Variants in SYT9 observed in about 807,000 individuals in gnomAD.
SYT9 encodes synaptotagmin 9, also known as synaptotagmin-9.
Under a neutral mutation model 48.4 loss-of-function variants are expected in SYT9, and 22 were observed. The observed-to-expected ratio is 0.45, with a 90% CI of 0.32 to 0.65. The LOEUF is 0.65. Among genes scored for constraint, SYT9 ranks in the 30% least tolerant of loss-of-function variants. The pLI, the probability that SYT9 is intolerant of heterozygous loss-of-function variation, is 0.03. For synonymous variants in SYT9, 265 were observed against 245.0 expected (o/e 1.08, Z -0.76); for missense variants, 577 against 622.0 (o/e 0.93, Z 0.77).
chr11:7,240,006 C>T (rs971884929), intron 1 of SYT9, among the ~76,000 whole-genome samples: 1 of 152,048 alleles, frequency 6.6e-6, no homozygotes, highest in African/African-American at 2.4e-5. Flanking sequence ...TTTAAAACCA[C>T]GGAACTGAGT....
At chr11:7,347,513 A>G (rs542846701) in intron 3 of SYT9, among the ~76,000 whole-genome samples, 1 of 152,124 alleles carries the variant, frequency 6.6e-6, no homozygotes, top group East Asian at 1.9e-4. Flanking sequence ...GGGATTAGAG[A>G]TGTGAGCCAC....
chr11:7,282,338 T>C (rs535618869), intron 1 of SYT9, among the ~76,000 whole-genome samples: 3 of 152,344 alleles, frequency 2.0e-5, no homozygotes, highest in Admixed American at 6.5e-5. Flanking sequence ...TATTTTTCCA[T>C]GCTCTCTTCA....
At chr11:7,406,972 C>T (rs1272215929) in intron 3 of SYT9, among the ~76,000 whole-genome samples, 1 of 152,066 alleles carries the variant, frequency 6.6e-6, no homozygotes, top group Non-Finnish European at 1.5e-5. Flanking sequence ...TCATAAACTT[C>T]TTGGCCATTT....
chr11:7,271,184 A>G (rs970814402), intron 1 of SYT9, among the ~76,000 whole-genome samples: 2 of 152,110 alleles, frequency 1.3e-5, no homozygotes, highest in African/African-American at 4.8e-5. Flanking sequence ...AAATAATATA[A>G]TATATATTTT....
chr11:7,468,541 T>G lies in SYT9; in HGVS notation c.*1741T>G, dbSNP rs112015255. 1.0e-4 allele frequency: 40 copies of G among 387,570 alleles called. No individual in the cohort carries two copies. The highest frequency in any genetic ancestry group is 8.1e-4 in the African/African-American group (39 of 48,372). The allele number at this position is 387,570 out of a possible 1,614,324, so 24.0% of individuals were successfully genotyped here. ...AGACATCCTCCACCATACCAGTGTT[T>G]AGAAGCAAAACATGAAGGGCTAGCG... On this transcript the variant is annotated 3_prime_UTR_variant, in exon 7 of 7. Transcript: ENST00000318881.
intron 1 of SYT9, among the ~76,000 whole-genome samples, chr11:7,267,361 A>G (rs1403131850): frequency 6.6e-6 from 1 of 151,928 alleles, no homozygotes; most frequent in Non-Finnish European, 1.5e-5. Context: ...TTTTTTAGAC[A>G]TGACAATAAA....
rs540884037 is a variant in SYT9, at chr11:7,423,749, C to T, written c.1467+3114C>T. Reference sequence around the variant, plus strand: ...AAAGGCCGGGAATCCACCACTCCTGCACCCCAGTGAGCCATCATCTCAGAG... The same window carrying T: ...AAAGGCCGGGAATCCACCACTCCTGTACCCCAGTGAGCCATCATCTCAGAG... On this transcript the variant is annotated intron_variant, in intron 6 of 6. Transcript: ENST00000318881. Among the ~76,000 whole-genome samples, 6 of 151,616 alleles carry T rather than the reference C, an allele frequency of 4.0e-5. No individual in the cohort carries two copies. In the South Asian group the frequency reaches 8.3e-4, roughly 21 times the overall value.
chr11:7,329,388 A>C (rs4758174), intron 3 of SYT9, among the ~76,000 whole-genome samples: 2,406 of 152,330 alleles, frequency 0.016, 33 homozygotes, highest in Non-Finnish European at 0.023. Flanking sequence ...AACTTTGTTC[A>C]TTTGTATAAT....
At chr11:7,384,401 T>A (rs1850619295) in intron 3 of SYT9, among the ~76,000 whole-genome samples, 1 of 152,192 alleles carries the variant, frequency 6.6e-6, no homozygotes, top group Non-Finnish European at 1.5e-5. Flanking sequence ...CCAGTACTTC[T>A]CCCCCTCCAC....
At chr11:7,250,665 A>G (rs907071932), upstream of SYT9, among the ~76,000 whole-genome samples, 3 of 151,970 alleles carry the variant, frequency 2.0e-5, no homozygotes, top group African/African-American at 7.2e-5. Flanking sequence ...TGCTATTCCC[A>G]TGTAAGTTCC....
intron 1 of SYT9, among the ~76,000 whole-genome samples, chr11:7,240,328 C>T (rs1847728061): frequency 6.6e-6 from 1 of 152,070 alleles, no homozygotes; most frequent in Non-Finnish European, 1.5e-5. Flanking sequence ...TTTCATATAG[C>T]AGATTAAGTG....
At chr11:7,360,359 T>G (rs1459287677) in intron 3 of SYT9, among the ~76,000 whole-genome samples, 2 of 152,158 alleles carry the variant, frequency 1.3e-5, no homozygotes, top group Non-Finnish European at 2.9e-5. Context: ...CCATAAGAAC[T>G]TTAAAGTAGT....
chr11:7,408,714 AAG>A (rs1847073592), intron 3 of SYT9, among the ~76,000 whole-genome samples: 1 of 152,218 alleles, frequency 6.6e-6, no homozygotes, highest in Non-Finnish European at 1.5e-5. Context: ...TATCAAATCT[AAG>A]AGTTTTTTGG....
chr11:7,439,309 G>A (rs1440284878), intron 6 of SYT9: 2 of 152,210 alleles, frequency 1.3e-5, no homozygotes, highest in African/African-American at 4.8e-5. Context: ...AAACCTTCTG[G>A]GAAACTTTGC....
intron 3 of SYT9, among the ~76,000 whole-genome samples, chr11:7,330,172 A>G (rs928742811): frequency 7.2e-5 from 11 of 152,232 alleles, no homozygotes; most frequent in Non-Finnish European, 1.3e-4. Flanking sequence ...GTAAAACAAT[A>G]AACTATTACA....
rs1846616902 is a variant in SYT9, at chr11:7,391,750, A to C, written c.1045-24292A>C. On this transcript the variant is annotated intron_variant, in intron 3 of 6. Coordinates refer to ENST00000318881, the MANE Select transcript of SYT9 (RefSeq NM_175733.4). ...ACCCCATCTCTAAAAAAAAAAAAAA[A>C]AAAAAAAAAAAAAAACCTAGCTAGG... is the stretch of plus-strand genomic sequence containing the variant. 2.0e-5 allele frequency among the ~76,000 whole-genome samples: 3 copies of C among 146,430 alleles called. No individual in the cohort carries two copies. The Admixed American group carries it at 2.1e-4, about 10-fold the overall frequency.
chr11:7,305,506 C>T (rs1269234215), intron 2 of SYT9, among the ~76,000 whole-genome samples: 2 of 152,144 alleles, frequency 1.3e-5, no homozygotes, highest in African/African-American at 4.8e-5. Context: ...AAAATGCACA[C>T]ACACATACAC....
chr11:7,466,953 T>C lies in SYT9; in HGVS notation c.*153T>C, dbSNP rs1339805242. 6.1e-6 allele frequency: 6 copies of C among 977,850 alleles called. No homozygotes were observed. Among genetic ancestry groups the C allele is most frequent in the African/African-American group, 5.0e-5 (3 of 60,472 alleles). The allele number at this position is 977,850 out of a possible 1,614,324, so 60.6% of individuals were successfully genotyped here. A position where few individuals can be genotyped will look rare whatever the true frequency, so the allele number is the denominator to read the frequency against. On this transcript the variant is annotated 3_prime_UTR_variant, in exon 7 of 7. Coordinates refer to ENST00000318881, the MANE Select transcript of SYT9 (RefSeq NM_175733.4). ...AGCACTAACTGGCCTTCTTTCCAGA[T>C]TGGGTTTGGTGAACCTGAATGGTCC...
In SYT9 at chr11:7,416,091, C is replaced by T. The variant is rs759505535; in HGVS notation, c.1094C>T (p.Thr365Met). The T allele has an allele frequency of 2.4e-5, 38 of 1,613,992 alleles. No homozygotes were observed. The highest frequency in any genetic ancestry group is 3.3e-4 in the Middle Eastern group (2 of 6,084). The change falls in exon 4 of 7, where the codon ACG becomes ATG. Residue 365 changes from threonine (T) to methionine (M), a missense_variant. Transcript: ENST00000318881. ...ELMFSLCYLP[T>M]AGRLTITIIK... ...ATGTTTTCCCTGTGCTATCTTCCAA[C>T]GGCTGGCAGGCTGACCATTACCATT... is the stretch of plus-strand genomic sequence containing the variant.
Sources: allele counts gnomAD v4.1 joint callset (sites outside exome capture counted in the v4.1 genomes callset), GRCh38; gene constraint gnomAD v4.1.1; transcripts MANE v1.5; gene names NCBI Gene and HGNC (gene_info 2026-07-23, HGNC 2026-07-21).